The following PLEKHG1 variants were observed in gnomAD, a reference collection of about 807,000 sequenced individuals.
PLEKHG1 encodes pleckstrin homology and RhoGEF domain containing G1, also known as pleckstrin homology domain-containing family G member 1.
Under a neutral mutation model 100.8 loss-of-function variants are expected in PLEKHG1, and 44 were observed. The ratio of observed to expected loss-of-function variants is 0.44; its 90% CI spans 0.34 to 0.56. The LOEUF is 0.56. Ranked by LOEUF, PLEKHG1 falls within the 20% of genes least tolerant of loss-of-function variation. The pLI, the probability that PLEKHG1 is intolerant of heterozygous loss-of-function variation, is 0.01. For missense variants in PLEKHG1, 1,545 were observed against 1,720.9 expected, an observed-to-expected ratio of 0.90 and a Z score of 1.81; for synonymous variants, 640 against 662.5, an observed-to-expected ratio of 0.97 and a Z score of 0.52.
At chr6:150,748,704 T>G (rs1783314131) in intron 2 of PLEKHG1, among the ~76,000 whole-genome samples, 3 of 140,338 alleles carry the variant, frequency 2.1e-5, no homozygotes, top group Non-Finnish European at 4.5e-5. Context: ...CACTGCAACC[T>G]CCACCTCCCC....
At chr6:150,833,043 AT>A (rs57683244) in intron 15 of PLEKHG1, among the ~76,000 whole-genome samples, 71,916 of 133,362 alleles carry the variant, frequency 0.54, 19,888 homozygotes, top group Non-Finnish European at 0.63. Flanking sequence ...TTACTACTCA[AT>A]TTTTTTTTTT....
At chr6:150,681,745 C>G (rs1015835462) in intron 3 of PLEKHG1, among the ~76,000 whole-genome samples, 3 of 152,140 alleles carry the variant, frequency 2.0e-5, no homozygotes, top group African/African-American at 7.2e-5. Flanking sequence ...GAGAACCCAG[C>G]GATTCGGAGC....
intron 11 of PLEKHG1, 108 bp from the exon 13 acceptor site, chr6:150,819,571 T>TAAC: frequency 5.0e-6 from 2 of 401,364 alleles, no homozygotes; most frequent in South Asian, 8.3e-5. Flanking sequence ...GTCTCAAAAA[T>TAAC]AATAATAATA....
At chr6:150,635,040 A>G (rs1269615568) in intron 1 of PLEKHG1, among the ~76,000 whole-genome samples, 1 of 152,236 alleles carries the variant, frequency 6.6e-6, no homozygotes, top group Non-Finnish European at 1.5e-5. Context: ...TAATTTGAAT[A>G]TTCAATAGAG....
rs200133661 is a variant in PLEKHG1 at position 150,809,422 on chromosome 6, G to A, written c.1137G>A (p.Pro379=). ...TTGTGGAGGTGATTCCAAAAGAGCC[G>A]CTCAGCTTCAGCGTCTTCCACTACA... The change falls in exon 9 of 16, where the codon CCG becomes CCA. Residue 379 remains proline (P), a synonymous_variant. Transcript: ENST00000358517. 1.7e-4 allele frequency: 270 copies of A among 1,613,820 alleles called. 1 individual carries two copies. The East Asian group carries it at 5.3e-3, about 31-fold the overall frequency.
At chr6:150,632,475 T>C (rs1000820603) in intron 1 of PLEKHG1, among the ~76,000 whole-genome samples, 4 of 152,248 alleles carry the variant, frequency 2.6e-5, no homozygotes, top group Non-Finnish European at 5.9e-5. Context: ...CTTGGTGGCC[T>C]GGGCCTTGGT....
intron 1 of PLEKHG1, among the ~76,000 whole-genome samples, chr6:150,612,134 G>T (rs1212090137): frequency 7.2e-6 from 1 of 138,936 alleles, no homozygotes; most frequent in Non-Finnish European, 1.5e-5. Flanking sequence ...TTCCTGCCTT[G>T]TCCAGTCAGT....
intron 1 of PLEKHG1, among the ~76,000 whole-genome samples, chr6:150,731,209 C>T (rs1430573428): frequency 1.3e-5 from 2 of 152,150 alleles, no homozygotes; most frequent in African/African-American, 4.8e-5. Flanking sequence ...TTGGATCAGG[C>T]TTTCTAGGTC....
chr6:150,768,650 T>A, exon 3 of PLEKHG1: 2 of 1,606,306 alleles, frequency 1.2e-6, no homozygotes, highest in Non-Finnish European at 1.7e-6. Context: ...TTACCTTGAC[T>A]GCATCAGGGA....
chr6:150,674,680 T>TC (rs1554258853), intron 3 of PLEKHG1, among the ~76,000 whole-genome samples: 13 of 132,876 alleles, frequency 9.8e-5, no homozygotes, highest in Middle Eastern at 3.9e-3. Flanking sequence ...TCTCTCTCTC[T>TC]CTCCCCCCTC....
At chr6:150,806,052 T>A (rs1235952026) in intron 7 of PLEKHG1, among the ~76,000 whole-genome samples, 3 of 152,000 alleles carry the variant, frequency 2.0e-5, no homozygotes. Flanking sequence ...AAGCCCAAAG[T>A]GACTCCACAC....
At chr6:150,623,133 C>T (rs1015959494) in intron 1 of PLEKHG1, among the ~76,000 whole-genome samples, 2 of 152,034 alleles carry the variant, frequency 1.3e-5, no homozygotes, top group African/African-American at 4.8e-5. Context: ...TGAGGTTTCA[C>T]TTCTCCCTAC....
intron 1 of PLEKHG1, among the ~76,000 whole-genome samples, chr6:150,635,628 G>A (rs1458388754): frequency 6.6e-6 from 1 of 152,170 alleles, no homozygotes; most frequent in African/African-American, 2.4e-5. Flanking sequence ...TGCATTTCCA[G>A]TGAGCTGTGT....
At chr6:150,792,881 C>T (rs972161403) in intron 4 of PLEKHG1, among the ~76,000 whole-genome samples, 3 of 152,112 alleles carry the variant, frequency 2.0e-5, no homozygotes, top group African/African-American at 4.8e-5. Context: ...GACATCTTGT[C>T]ACACCAGGAA....
chr6:150,725,510 T>G lies in PLEKHG1; in HGVS notation c.-99+4310T>G, dbSNP rs546925215. ...TATTTTTGCAAAATATCTTTTCTCA[T>G]TCTTGATCTTCTTGTACAAATATGT... On this transcript the variant is annotated intron_variant, in intron 1 of 15. Coordinates refer to ENST00000358517, the Ensembl canonical transcript of PLEKHG1. 1.2e-4 allele frequency among the ~76,000 whole-genome samples: 19 copies of G among 152,350 alleles called. No homozygotes were observed. The South Asian group carries it at 3.5e-3, about 28-fold the overall frequency.
intron 6 of PLEKHG1, among the ~76,000 whole-genome samples, 193 bp from the exon 8 acceptor site, chr6:150,804,417 C>T (rs1414122742): frequency 3.3e-5 from 5 of 150,616 alleles, no homozygotes; most frequent in Non-Finnish European, 7.4e-5. Context: ...AACTCTGGAC[C>T]TCAGGTGATC....
intron 1 of PLEKHG1, among the ~76,000 whole-genome samples, chr6:150,630,381 G>A (rs1326094638): frequency 6.6e-6 from 1 of 152,220 alleles, no homozygotes; most frequent in African/African-American, 2.4e-5. Context: ...TCTGGGATCA[G>A]GGTGAAAACT....
chr6:150,650,466 A>G (rs1778685063), intron 2 of PLEKHG1, among the ~76,000 whole-genome samples: 1 of 152,246 alleles, frequency 6.6e-6, no homozygotes, highest in Non-Finnish European at 1.5e-5. Context: ...ATCAAGGATG[A>G]TAGGACTTCA....
intron 2 of PLEKHG1, among the ~76,000 whole-genome samples, chr6:150,762,292 C>T (rs564989580): frequency 5.1e-4 from 78 of 151,638 alleles, no homozygotes; most frequent in African/African-American, 1.6e-3. Context: ...CGGGTTCAAG[C>T]GATTCTCCTG....
Sources: gnomAD v4.1 joint callset for allele counts (sites outside exome capture counted in the v4.1 genomes callset) on GRCh38, gnomAD v4.1.1 for gene constraint, MANE v1.5 for transcripts, NCBI Gene and HGNC (gene_info 2026-07-23, HGNC 2026-07-21) for gene names.